The following RXFP1 variants were observed in gnomAD, a reference collection of about 807,000 sequenced individuals.
RXFP1 encodes the protein relaxin receptor 1.
Under a neutral mutation model 89.8 loss-of-function variants are expected in RXFP1, and 73 were observed. That is an observed-to-expected ratio of 0.81 (90% CI 0.67 to 0.99). The LOEUF (loss-of-function observed/expected upper bound fraction) is 0.99. RXFP1 is among the 50% of genes least tolerant of loss of function. RXFP1 has a pLI of 0.00. For missense variants in RXFP1, 793 were observed against 895.5 expected, an observed-to-expected ratio of 0.89 and a Z score of 1.46; for synonymous variants, 277 against 305.5, an observed-to-expected ratio of 0.91 and a Z score of 0.97.
intron 6 of RXFP1, among the ~76,000 whole-genome samples, chr4:158,608,524 C>T (rs1044227444): frequency 2.0e-5 from 3 of 151,340 alleles, no homozygotes; most frequent in African/African-American, 4.8e-5. Context: ...CCAAAGACTT[C>T]CCCAGTTATT....
intron 12 of RXFP1, among the ~76,000 whole-genome samples, chr4:158,635,848 CT>C (rs33987156): frequency 0.099 from 15,002 of 150,892 alleles, 2,360 homozygotes; most frequent in African/African-American, 0.34. Flanking sequence ...TTTATTTCCT[CT>C]TTTTTTTTAA....
chr4:158,529,182 C>G (rs761331907), intron 1 of RXFP1, among the ~76,000 whole-genome samples: 11 of 152,070 alleles, frequency 7.2e-5, no homozygotes, highest in Non-Finnish European at 1.5e-4. Context: ...AAACATAAAT[C>G]CCACACTGGT....
intron 1 of RXFP1, among the ~76,000 whole-genome samples, chr4:158,542,636 A>C (rs1747093986): frequency 6.6e-6 from 1 of 152,208 alleles, no homozygotes; most frequent in Non-Finnish European, 1.5e-5. Flanking sequence ...TCAAACAAAA[A>C]CATCACATTT....
At chr4:158,636,026 G>A (rs1470528620) in intron 12 of RXFP1, among the ~76,000 whole-genome samples, 1 of 151,970 alleles carries the variant, frequency 6.6e-6, no homozygotes, top group Non-Finnish European at 1.5e-5. Flanking sequence ...TTCCTGAGAA[G>A]TTTCCTTTAA....
At chr4:158,529,237 C>CGTGT (rs1255812859) in intron 1 of RXFP1, among the ~76,000 whole-genome samples, 1 of 24,554 alleles carries the variant, frequency 4.1e-5, no homozygotes, top group Non-Finnish European at 2.5e-4. Context: ...TTTTTGCTTG[C>CGTGT]TTGTTTTTTG....
At chr4:158,584,486 T>C (rs1757930043) in intron 2 of RXFP1, among the ~76,000 whole-genome samples, 1 of 152,070 alleles carries the variant, frequency 6.6e-6, no homozygotes, top group South Asian at 2.1e-4. Flanking sequence ...CCTTATAAAT[T>C]AACCACTTAT....
chr4:158,559,781 A>G (rs577168861), intron 1 of RXFP1, among the ~76,000 whole-genome samples: 143 of 152,366 alleles, frequency 9.4e-4, no homozygotes, highest in African/African-American at 3.1e-3. Flanking sequence ...CAATTCTACA[A>G]TAATTTTTCT....
Position 158,566,730 on chromosome 4 carries a change from T to C in RXFP1, c.50-5968T>C, listed in dbSNP as rs577514153. 1.3e-3 allele frequency among the ~76,000 whole-genome samples: 191 copies of C among 152,398 alleles called. 1 individual carries two copies. The highest frequency in any genetic ancestry group is 4.4e-3 in the African/African-American group (182 of 41,602). ...TCCTGATATAGCTGTTGAATCATAA[T>C]GTTATGAAAATGTAGAACTAATTTC... On this transcript the variant is annotated intron_variant, in intron 1 of 17. Coordinates refer to ENST00000307765, the MANE Select transcript of RXFP1 (RefSeq NM_021634.4).
intron 8 of RXFP1, among the ~76,000 whole-genome samples, chr4:158,616,553 A>AT (rs150214475): frequency 0.014 from 1,872 of 133,332 alleles, 31 homozygotes; most frequent in Middle Eastern, 0.036. Flanking sequence ...GGTTTAGGCT[A>AT]TTTTTTTTTT....
Position 158,593,450 on chromosome 4 carries a change from C to T in RXFP1, c.237C>T (p.Tyr79=). ...AATTTGACAAATATTTTGCCAGTTA[C>T]TACAAAATGACTTCCCAATATCCTT... The part of the protein sequence containing the change: ...SLQFDKYFAS[Y]YKMTSQYPFE... Residue 79 remains tyrosine (Y), a synonymous_variant, in exon 3 of 18, where the codon TAC becomes TAT. Transcript: ENST00000307765. 1 of 1,612,230 alleles carries T rather than the reference C, an allele frequency of 6.2e-7. No homozygotes were observed. The highest frequency in any genetic ancestry group is 1.1e-5 in the South Asian group (1 of 90,886).
intron 1 of RXFP1, among the ~76,000 whole-genome samples, chr4:158,568,119 C>G (rs1053816059): frequency 1.3e-5 from 2 of 152,186 alleles, no homozygotes; most frequent in Non-Finnish European, 1.5e-5. Context: ...TTCAGCTTCA[C>G]TCCTGAGCCA....
intron 1 of RXFP1, among the ~76,000 whole-genome samples, chr4:158,548,014 T>C (rs991177962): frequency 3.3e-5 from 5 of 152,182 alleles, no homozygotes; most frequent in South Asian, 2.1e-4. Context: ...TTGTTAACTT[T>C]CTGTCTCGTT....
intron 17 of RXFP1, 151 bp downstream of exon 17, chr4:158,648,868 T>TG: frequency 1.7e-6 from 1 of 583,632 alleles, no homozygotes; most frequent in Non-Finnish European, 2.9e-6. Context: ...ATCCCAGCAC[T>TG]CTGGGAGGCC....
intron 2 of RXFP1, among the ~76,000 whole-genome samples, chr4:158,587,220 A>G (rs1347007745): frequency 2.6e-5 from 4 of 152,070 alleles, no homozygotes; most frequent in Non-Finnish European, 5.9e-5. Flanking sequence ...CCCATTTCTC[A>G]CTCACCTTCT....
chr4:158,559,573 T>G (rs970994200), intron 1 of RXFP1, among the ~76,000 whole-genome samples: 2 of 152,190 alleles, frequency 1.3e-5, no homozygotes, highest in Admixed American at 6.5e-5. Flanking sequence ...TTAAAAAATT[T>G]TTTCATATAC....
chr4:158,640,861 C>T (rs995193473), intron 14 of RXFP1, among the ~76,000 whole-genome samples: 7 of 152,200 alleles, frequency 4.6e-5, no homozygotes, highest in Non-Finnish European at 1.0e-4. Flanking sequence ...CCCCATATAT[C>T]AAGGCATGAT....
At chr4:158,650,817 C>G (rs1025728146) in intron 17 of RXFP1, among the ~76,000 whole-genome samples, 1 of 152,016 alleles carries the variant, frequency 6.6e-6, no homozygotes, top group Non-Finnish European at 1.5e-5. Flanking sequence ...TAATTGTGTT[C>G]TGTACTATGG....
intron 2 of RXFP1, among the ~76,000 whole-genome samples, chr4:158,590,889 G>A (rs949243988): frequency 4.6e-5 from 7 of 152,154 alleles, no homozygotes; most frequent in African/African-American, 9.7e-5. Context: ...TAAAGGCTGC[G>A]GAAGGAGTCA....
intron 12 of RXFP1, 128 bp downstream of exon 12, chr4:158,633,604 G>A: frequency 1.9e-6 from 1 of 539,654 alleles, no homozygotes; most frequent in South Asian, 2.8e-5. Context: ...CATTCACATT[G>A]CTGCCCAACC....
Sources: allele counts gnomAD v4.1 joint callset (sites outside exome capture counted in the v4.1 genomes callset), GRCh38; gene constraint gnomAD v4.1.1; transcripts MANE v1.5; gene names NCBI Gene and HGNC (gene_info 2026-07-23, HGNC 2026-07-21).